Variants in PHF2 observed in about 807,000 individuals in gnomAD.
The protein encoded by PHF2 is PHD finger protein 2, also known as lysine-specific demethylase PHF2.
Under a neutral mutation model 120.5 loss-of-function variants are expected in PHF2, and 27 were observed. The observed-to-expected ratio is 0.22, with a 90% CI of 0.17 to 0.31. The LOEUF is 0.31. Ranked by LOEUF, PHF2 falls within the 10% of genes least tolerant of loss-of-function variation. The pLI is 1.00. For missense variants in PHF2, 1,024 were observed against 1,434.8 expected (o/e 0.71, Z 4.63); for synonymous variants, 568 against 592.5 (o/e 0.96, Z 0.60).
At chr9:93,640,158 G>C (rs115895883) in intron 3 of PHF2, among the ~76,000 whole-genome samples, 1 of 152,072 alleles carries the variant, frequency 6.6e-6, no homozygotes, top group Non-Finnish European at 1.5e-5. Flanking sequence ...ATATGCCTAG[G>C]TGCAGAATTT....
intron 17 of PHF2, among the ~76,000 whole-genome samples, chr9:93,671,441 G>T (rs28715378): frequency 8.7e-6 from 1 of 115,044 alleles, no homozygotes; most frequent in East Asian, 2.7e-4. Context: ...GATGCAGGTG[G>T]GTGTGGATGT....
chr9:93,594,256 G>A (rs1825289923), intron 1 of PHF2, among the ~76,000 whole-genome samples: 1 of 151,290 alleles, frequency 6.6e-6, no homozygotes, highest in Admixed American at 6.6e-5. Context: ...GTGTTGGCCA[G>A]AGCTACCCGA....
intron 1 of PHF2, among the ~76,000 whole-genome samples, chr9:93,629,577 G>A (rs1282936382): frequency 1.3e-5 from 2 of 152,218 alleles, no homozygotes; most frequent in African/African-American, 4.8e-5. Flanking sequence ...GCTGCCTCTG[G>A]TGTTTTCTGC....
chr9:93,674,655 G>A (rs1456111019), intron 18 of PHF2, among the ~76,000 whole-genome samples: 1 of 152,164 alleles, frequency 6.6e-6, no homozygotes, highest in Non-Finnish European at 1.5e-5. Context: ...GGGCTAGGCT[G>A]CACAGATGAG....
At chr9:93,577,744 C>T (rs1403244515) in intron 1 of PHF2, among the ~76,000 whole-genome samples, 1 of 152,182 alleles carries the variant, frequency 6.6e-6, no homozygotes, top group East Asian at 1.9e-4. Context: ...ACACTGAAAA[C>T]CCCCGCCCTC....
chr9:93,656,097 C>T lies in PHF2; in HGVS notation c.1040+76C>T, dbSNP rs1826455084. 2.4e-6 allele frequency: 3 copies of T among 1,249,966 alleles called. No individual in the cohort carries two copies. Among genetic ancestry groups the T allele is most frequent in the Non-Finnish European group, 1.1e-6 (1 of 878,842 alleles). 77.4% of individuals were successfully genotyped at this position (1,249,966 alleles called of 1,614,324 possible). A position where few individuals can be genotyped will look rare whatever the true frequency, so the allele number is the denominator to read the frequency against. On this transcript the variant is annotated intron_variant, in intron 8 of 21. Coordinates refer to ENST00000359246, the MANE Select transcript of PHF2 (RefSeq NM_005392.4). The surrounding 1 kb of genome is among the most constrained non-coding windows in gnomAD (Gnocchi z 4.1). Reference sequence around the variant, plus strand: ...CCTCTAGCTGGGTCGGTGCTAGATGCCTTGGGCTGAGTCCTGGCACAGCCC... The same window carrying T: ...CCTCTAGCTGGGTCGGTGCTAGATGTCTTGGGCTGAGTCCTGGCACAGCCC...
Position 93,591,061 on chromosome 9 carries a change from C to T in PHF2, c.98+14190C>T, listed in dbSNP as rs143910749. 9.4e-3 allele frequency among the ~76,000 whole-genome samples: 1,424 copies of T among 152,296 alleles called. 50 individuals carry two copies. Among genetic ancestry groups the T allele is most frequent in the Admixed American group, 0.067 (1,030 of 15,302 alleles). ...TGCTGTGACCCTCCGAGGGATCCAACATCACTCAGCAGACATGTGGTGGGT... is the reference window on the plus strand; with the variant it reads ...TGCTGTGACCCTCCGAGGGATCCAATATCACTCAGCAGACATGTGGTGGGT... On this transcript the variant is annotated intron_variant, in intron 1 of 21. Transcript: ENST00000359246.
intron 1 of PHF2, among the ~76,000 whole-genome samples, chr9:93,615,855 C>A (rs1825722435): frequency 6.6e-6 from 1 of 152,170 alleles, no homozygotes; most frequent in African/African-American, 2.4e-5. Flanking sequence ...AGGAGGCCTT[C>A]TCTGCAGGGG....
chr9:93,652,451 C>G (rs925856060), intron 5 of PHF2, among the ~76,000 whole-genome samples: 5 of 151,964 alleles, frequency 3.3e-5, no homozygotes, highest in Admixed American at 2.6e-4. Flanking sequence ...TGCCACCATG[C>G]CCAGCTAGTT....
chr9:93,636,901 C>G (rs566016450), intron 3 of PHF2, among the ~76,000 whole-genome samples: 1 of 152,230 alleles, frequency 6.6e-6, no homozygotes, highest in Non-Finnish European at 1.5e-5. Context: ...CCCAGGCAGG[C>G]GTTGTCCTCA....
intron 1 of PHF2, among the ~76,000 whole-genome samples, chr9:93,625,327 C>G (rs1413935936): frequency 6.6e-6 from 1 of 152,202 alleles, no homozygotes; most frequent in African/African-American, 2.4e-5. Flanking sequence ...CTTTTTAAGG[C>G]TGAATAATAT....
At chr9:93,676,996 C>G (rs1457321208) in intron 21 of PHF2, 33 bp downstream of exon 21, 10 of 1,485,292 alleles carry the variant, frequency 6.7e-6, no homozygotes, top group Non-Finnish European at 9.0e-6. Flanking sequence ...CCTGCAGCCC[C>G]CCTGCCCTGC....
chr9:93,593,469 A>G (rs1191286470), intron 1 of PHF2, among the ~76,000 whole-genome samples: 1 of 152,248 alleles, frequency 6.6e-6, no homozygotes, highest in East Asian at 1.9e-4. Context: ...TATTTGCTCT[A>G]CATCTGCATA....
intron 1 of PHF2, among the ~76,000 whole-genome samples, chr9:93,578,556 C>A (rs943997629): frequency 6.6e-6 from 1 of 152,226 alleles, no homozygotes; most frequent in African/African-American, 2.4e-5. Flanking sequence ...CTTCTGGGCA[C>A]CTGTGTCAGC....
At chr9:93,585,006 T>C (rs1234298553) in intron 1 of PHF2, among the ~76,000 whole-genome samples, 4 of 152,240 alleles carry the variant, frequency 2.6e-5, no homozygotes, top group African/African-American at 9.6e-5. Context: ...GTAAGTGGTA[T>C]TATTTTCTTA....
At position 93,580,708 on chromosome 9, in the gene PHF2, T is replaced by C. The variant is rs570903949; in HGVS notation, c.98+3837T>C. On this transcript the variant is annotated intron_variant, in intron 1 of 21. Coordinates refer to ENST00000359246, the MANE Select transcript of PHF2 (RefSeq NM_005392.4). ...CTGACTTGAAAGAAATTGAAAGCTG[T>C]TCAGGTCACTTAAGTGACAGACATT... Among the ~76,000 whole-genome samples, 4 of 152,340 alleles carry C rather than the reference T, an allele frequency of 2.6e-5. No individual in the cohort carries two copies. The South Asian group carries it at 8.3e-4, about 32-fold the overall frequency.
chr9:93,655,860 C>T lies in PHF2; in HGVS notation c.953-74C>T. The T allele has an allele frequency of 7.9e-6, 9 of 1,132,712 alleles. No individual in the cohort carries two copies. In the South Asian group the frequency reaches 1.2e-4, roughly 15 times the overall value. 70.2% of individuals were successfully genotyped at this position (1,132,712 alleles called of 1,614,324 possible). A position where few individuals can be genotyped will look rare whatever the true frequency, so the allele number is the denominator to read the frequency against. On this transcript the variant is annotated intron_variant, in intron 7 of 21. Transcript: ENST00000359246. Reference sequence around the variant, plus strand: ...AAGGCCTGTGCTGGTCTCCGCCGCTCCCTGATCTAGAGCCATGAGAAGCCC... The same window carrying T: ...AAGGCCTGTGCTGGTCTCCGCCGCTTCCTGATCTAGAGCCATGAGAAGCCC...
chr9:93,663,983 G>C (rs1826628512), intron 14 of PHF2, among the ~76,000 whole-genome samples: 1 of 152,216 alleles, frequency 6.6e-6, no homozygotes, highest in African/African-American at 2.4e-5. Context: ...CTGTAGTGTG[G>C]GTGTGAGGAA....
At chr9:93,580,612 A>G (rs981259252) in intron 1 of PHF2, among the ~76,000 whole-genome samples, 3 of 152,236 alleles carry the variant, frequency 2.0e-5, no homozygotes, top group African/African-American at 7.2e-5. Flanking sequence ...CTTAACATGT[A>G]GCTTTCTGGC....
Sources: gnomAD v4.1 joint callset for allele counts (sites outside exome capture counted in the v4.1 genomes callset) on GRCh38, gnomAD v4.1.1 for gene constraint, Gnocchi (gnomAD v3.1) non-coding constraint, MANE v1.5 for transcripts, NCBI Gene and HGNC (gene_info 2026-07-23, HGNC 2026-07-21) for gene names.